TMEM232: variants seen among roughly 807,000 people sequenced by gnomAD.
TMEM232 encodes the protein transmembrane protein 232.
In TMEM232, 80 loss-of-function variants were observed where a neutral mutation model predicts 78.8. The ratio of observed to expected loss-of-function variants is 1.01; its 90% CI spans 0.85 to 1.22. The LOEUF (loss-of-function observed/expected upper bound fraction) is 1.22, where lower values mean the gene tolerates loss of function less well. Ranked by LOEUF, TMEM232 falls within the 50% of genes most tolerant of loss-of-function variation. The pLI is 0.00. For synonymous variants in TMEM232, 297 were observed against 254.3 expected, an observed-to-expected ratio of 1.17 and a Z score of -1.60; for missense variants, 881 against 742.2, an observed-to-expected ratio of 1.19 and a Z score of -2.17.
chr5:110,460,779 T>A (rs1475809084), intron 12 of TMEM232, among the ~76,000 whole-genome samples: 2 of 152,162 alleles, frequency 1.3e-5, no homozygotes, highest in East Asian at 3.9e-4. Context: ...GTGTCACATT[T>A]AGTAATTCCC....
chr5:110,726,817 G>A (rs1456352621), upstream of TMEM232: 2 of 152,226 alleles, frequency 1.3e-5, no homozygotes, highest in South Asian at 2.1e-4. Context: ...TAAATGCAAT[G>A]TTGTGTGAAA....
Position 110,462,779 on chromosome 5 carries a change from C to T in TMEM232, c.1704-37863G>A, listed in dbSNP as rs183455091. On this transcript the variant is annotated intron_variant, in intron 12 of 13. Coordinates refer to ENST00000455884, the MANE Select transcript of TMEM232 (RefSeq NM_001039763.4). ...CTATTAGTTCTGTCCCTCTAGGGTA[C>T]CCTAATACAATTACAGTGACGAAAA... Among the ~76,000 whole-genome samples, 55 of 152,140 alleles carry T rather than the reference C, an allele frequency of 3.6e-4. 1 individual carries two copies. The East Asian group carries it at 0.01, about 29-fold the overall frequency.
chr5:110,507,108 C>A (rs1002713243), intron 12 of TMEM232, among the ~76,000 whole-genome samples: 2 of 152,068 alleles, frequency 1.3e-5, no homozygotes, highest in African/African-American at 4.8e-5. Context: ...GGATTTCTAG[C>A]ACGCAGAATT....
At chr5:110,733,945 C>G (rs1167026323) in intron 2 of TMEM232, among the ~76,000 whole-genome samples, 1 of 152,190 alleles carries the variant, frequency 6.6e-6, no homozygotes, top group African/African-American at 2.4e-5. Flanking sequence ...ATTGCATTTA[C>G]TCAGATTATT....
At chr5:110,394,920 C>T (rs1360873690) in intron 3 of TMEM232, among the ~76,000 whole-genome samples, 1 of 152,130 alleles carries the variant, frequency 6.6e-6, no homozygotes, top group Non-Finnish European at 1.5e-5. Flanking sequence ...TCCACTGTCA[C>T]TCAAAGCTTT....
intron 12 of TMEM232, 77 bp from the exon 13 acceptor site, chr5:110,424,993 C>A: frequency 3.0e-6 from 3 of 1,009,312 alleles, no homozygotes; most frequent in South Asian, 1.6e-5. Flanking sequence ...TGTAACTAAG[C>A]CATAATTTAT....
intron 12 of TMEM232, among the ~76,000 whole-genome samples, chr5:110,438,327 A>G (rs533183783): frequency 6.6e-6 from 1 of 151,706 alleles, no homozygotes; most frequent in East Asian, 2.0e-4. Context: ...GCTCAGAAAT[A>G]TAGAGGGGCA....
chr5:110,420,950 G>A (rs1272170021), intron 13 of TMEM232, among the ~76,000 whole-genome samples, 194 bp from the exon 14 acceptor site: 5 of 149,330 alleles, frequency 3.3e-5, no homozygotes, highest in African/African-American at 1.2e-4. Context: ...GTCCCACAAA[G>A]CAGAATTTCC....
At chr5:110,585,002 CCT>C (rs1462316607) in intron 10 of TMEM232, among the ~76,000 whole-genome samples, 1 of 151,896 alleles carries the variant, frequency 6.6e-6, no homozygotes, top group Non-Finnish European at 1.5e-5. Flanking sequence ...GGGTCTTTTC[CCT>C]CTGTGTTCAG....
chr5:110,636,078 TG>T (rs1169551257), intron 5 of TMEM232, among the ~76,000 whole-genome samples: 2 of 151,984 alleles, frequency 1.3e-5, no homozygotes, highest in Non-Finnish European at 2.9e-5. Context: ...CAATACAATT[TG>T]GCAATAAAAT....
chr5:110,552,606 G>A lies in TMEM232; in HGVS notation c.1455+15841C>T, dbSNP rs527519421. 1.8e-3 allele frequency among the ~76,000 whole-genome samples: 270 copies of A among 152,058 alleles called. 1 individual carries two copies. The highest frequency in any genetic ancestry group is 6.0e-3 in the African/African-American group (249 of 41,522). Reference sequence around the variant, plus strand: ...CATATACTAATATGAAAAAGATCAGGCTTTAATATAAGAAGCATTGGTAGA... The same window carrying A: ...CATATACTAATATGAAAAAGATCAGACTTTAATATAAGAAGCATTGGTAGA... On this transcript the variant is annotated intron_variant, in intron 11 of 13. Transcript: ENST00000455884.
At chr5:110,592,361 CTT>C (rs1779633678) in intron 10 of TMEM232, among the ~76,000 whole-genome samples, 3 of 152,096 alleles carry the variant, frequency 2.0e-5, no homozygotes, top group African/African-American at 7.2e-5. Flanking sequence ...AACCACAAAG[CTT>C]TGGTAAGAAT....
At position 110,603,113 on chromosome 5, in the gene TMEM232, G is replaced by T. The variant is rs548826488; in HGVS notation, c.1276+1996C>A. ...CAATGGGAACCCATGGACACAGGGA[G>T]GGGAATATCACACACCCGGGCCTGT... On this transcript the variant is annotated intron_variant, in intron 10 of 13. Coordinates refer to ENST00000455884, the MANE Select transcript of TMEM232 (RefSeq NM_001039763.4). Among the ~76,000 whole-genome samples, 468 of 152,202 alleles carry T rather than the reference G, an allele frequency of 3.1e-3. 3 individuals carry two copies. The highest frequency in any genetic ancestry group is 0.011 in the African/African-American group (445 of 41,530).
chr5:110,624,114 G>T (rs1784114115), intron 7 of TMEM232, among the ~76,000 whole-genome samples: 1 of 152,026 alleles, frequency 6.6e-6, no homozygotes, highest in Non-Finnish European at 1.5e-5. Context: ...ACATTGCCAA[G>T]ATTTCATGGA....
intron 10 of TMEM232, among the ~76,000 whole-genome samples, chr5:110,573,237 CAT>C (rs1234912444): frequency 3.9e-5 from 6 of 152,028 alleles, no homozygotes; most frequent in Non-Finnish European, 7.4e-5. Flanking sequence ...ACTTACATTT[CAT>C]ATATTTAGTG....
intron 12 of TMEM232, among the ~76,000 whole-genome samples, chr5:110,518,784 G>T (rs574863133): frequency 6.6e-6 from 1 of 152,238 alleles, no homozygotes; most frequent in East Asian, 1.9e-4. Context: ...CTTAAATAAT[G>T]ATTTAGACAA....
intron 12 of TMEM232, among the ~76,000 whole-genome samples, chr5:110,462,311 T>C (rs541547351): frequency 1.3e-5 from 2 of 152,254 alleles, no homozygotes; most frequent in African/African-American, 2.4e-5. Flanking sequence ...TTTGATTGGA[T>C]TGAAGGATGC....
chr5:110,388,530 T>G (rs1444119865), intron 4 of TMEM232, among the ~76,000 whole-genome samples: 2 of 152,192 alleles, frequency 1.3e-5, no homozygotes, highest in Non-Finnish European at 2.9e-5. Flanking sequence ...TACCAAGGAC[T>G]TTCGTACCCT....
chr5:110,446,735 T>C (rs1580714890), intron 12 of TMEM232, among the ~76,000 whole-genome samples: 2 of 152,156 alleles, frequency 1.3e-5, no homozygotes, highest in Admixed American at 1.3e-4. Flanking sequence ...AATTGTGAGG[T>C]ACATTAGAAA....
Sources: gnomAD v4.1 joint callset for allele counts (sites outside exome capture counted in the v4.1 genomes callset) on GRCh38, gnomAD v4.1.1 for gene constraint, MANE v1.5 for transcripts, NCBI Gene and HGNC (gene_info 2026-07-23, HGNC 2026-07-21) for gene names.